The following IL1RAP variants were observed in gnomAD, a reference collection of about 807,000 sequenced individuals.
The protein encoded by IL1RAP is interleukin-1 receptor accessory protein.
IL1RAP carries 35 observed loss-of-function variants against 60.7 expected under a neutral mutation model. The ratio of observed to expected loss-of-function variants is 0.58; its 90% CI spans 0.44 to 0.76. The LOEUF (loss-of-function observed/expected upper bound fraction) is 0.76. IL1RAP is among the 30% of genes least tolerant of loss of function. IL1RAP has a pLI of 0.00. For synonymous variants in IL1RAP, 268 were observed against 250.9 expected, an observed-to-expected ratio of 1.07 and a Z score of -0.64; for missense variants, 572 against 693.9, an observed-to-expected ratio of 0.82 and a Z score of 1.97.
At chr3:190,612,596 C>T (rs1730914966) in intron 5 of IL1RAP, among the ~76,000 whole-genome samples, 1 of 151,900 alleles carries the variant, frequency 6.6e-6, no homozygotes, top group African/African-American at 2.4e-5. Context: ...TTTTTTTAGT[C>T]ATTCATTCAT....
intron 1 of IL1RAP, among the ~76,000 whole-genome samples, chr3:190,526,488 T>C (rs1305233967): frequency 1.3e-5 from 2 of 152,236 alleles, no homozygotes; most frequent in Non-Finnish European, 2.9e-5. Flanking sequence ...TTCTTTCAAG[T>C]TGTATCATTT....
intron 1 of IL1RAP, among the ~76,000 whole-genome samples, chr3:190,519,543 A>C (rs1350510696): frequency 2.0e-5 from 3 of 152,044 alleles, no homozygotes; most frequent in African/African-American, 4.8e-5. Flanking sequence ...CATATTTACT[A>C]GATACCACAC....
At chr3:190,574,482 T>C (rs900505254) in intron 3 of IL1RAP, among the ~76,000 whole-genome samples, 1 of 152,206 alleles carries the variant, frequency 6.6e-6, no homozygotes, top group Non-Finnish European at 1.5e-5. Flanking sequence ...TGGCTTCCCC[T>C]GTGGCTAACT....
downstream of IL1RAP, among the ~76,000 whole-genome samples, chr3:190,655,372 G>T (rs532156586): frequency 6.6e-6 from 1 of 152,022 alleles, no homozygotes; most frequent in Non-Finnish European, 1.5e-5. Context: ...GACATAAGAA[G>T]AAAATACTAC....
intron 3 of IL1RAP, among the ~76,000 whole-genome samples, chr3:190,567,961 G>A (rs1162127563): frequency 1.8e-4 from 27 of 152,146 alleles, no homozygotes; most frequent in Admixed American, 1.8e-3. Flanking sequence ...AAGCTGAACT[G>A]TTAAAAGCTG....
intron 1 of IL1RAP, among the ~76,000 whole-genome samples, chr3:190,553,708 C>T (rs1725101002): frequency 6.6e-6 from 1 of 152,182 alleles, no homozygotes; most frequent in Non-Finnish European, 1.5e-5. Flanking sequence ...CTGAGCGTGA[C>T]AGTGGTGGGG....
chr3:190,604,656 G>T (rs1005372414), intron 4 of IL1RAP, among the ~76,000 whole-genome samples: 13 of 152,078 alleles, frequency 8.5e-5, no homozygotes, highest in Admixed American at 8.5e-4. Flanking sequence ...AAAGTTGTCC[G>T]AAAGTGGAGC....
At chr3:190,602,095 AG>A (rs1729912210) in intron 3 of IL1RAP, among the ~76,000 whole-genome samples, 1 of 152,122 alleles carries the variant, frequency 6.6e-6, no homozygotes, top group Non-Finnish European at 1.5e-5. Flanking sequence ...GATAGGGGAA[AG>A]GGAAAACTAG....
chr3:190,546,071 T>A (rs1197531529), intron 1 of IL1RAP, among the ~76,000 whole-genome samples: 1 of 152,112 alleles, frequency 6.6e-6, no homozygotes, highest in Admixed American at 6.5e-5. Flanking sequence ...TCGGTATGAT[T>A]AGCAGCTGCA....
Position 190,648,587 on chromosome 3 carries a change from A to G in IL1RAP, c.1595A>G (p.Lys532Arg), listed in dbSNP as rs767394527. ...TVIKWKGEKS[K>R]YPQGRFWKQL... ...ATTAAATGGAAAGGGGAAAAATCCAAGTATCCACAGGGCAGGTTCTGGAAG... is the reference window on the plus strand; with the variant it reads ...ATTAAATGGAAAGGGGAAAAATCCAGGTATCCACAGGGCAGGTTCTGGAAG... The change falls in exon 12 of 12, where the codon AAG becomes AGG. Residue 532 changes from lysine to arginine, a missense_variant. Lys to Arg is a conservative substitution (Grantham distance 26). Coordinates refer to ENST00000447382, the MANE Select transcript of IL1RAP (RefSeq NM_002182.4). 1.5e-5 allele frequency: 25 copies of G among 1,614,092 alleles called. 1 individual carries two copies. Among genetic ancestry groups the G allele is most frequent in the African/African-American group, 4.0e-5 (3 of 74,928 alleles).
Position 190,649,693 on chromosome 3 carries a change from A to T in IL1RAP, c.*988A>T. 1 of 985,832 alleles carries T rather than the reference A, an allele frequency of 1.0e-6. No individual in the cohort carries two copies. Among genetic ancestry groups the T allele is most frequent in the Non-Finnish European group, 1.2e-6 (1 of 829,908 alleles). The allele number at this position is 985,832 out of a possible 1,614,324, so 61.1% of individuals were successfully genotyped here. A position where few individuals can be genotyped will look rare whatever the true frequency, so the allele number is the denominator to read the frequency against. ...TTTGTTGCTCCATTGTAAAGGGCGG[A>T]GGTCAGTCTTAGTGGCCTTGAGAGT... On this transcript the variant is annotated 3_prime_UTR_variant, in exon 12 of 12. Transcript: ENST00000447382.
intron 6 of IL1RAP, among the ~76,000 whole-genome samples, chr3:190,621,895 A>C (rs1018534444): frequency 3.9e-5 from 6 of 152,224 alleles, no homozygotes; most frequent in Non-Finnish European, 8.8e-5. Flanking sequence ...ATACTTTTGA[A>C]GACAATACTA....
At chr3:190,532,545 T>C (rs1355736583) in intron 1 of IL1RAP, among the ~76,000 whole-genome samples, 1 of 152,138 alleles carries the variant, frequency 6.6e-6, no homozygotes, top group Non-Finnish European at 1.5e-5. Context: ...AATCATCTTG[T>C]CTAATTCCAT....
chr3:190,609,220 C>T (rs1344737684), intron 5 of IL1RAP, 39 bp downstream of exon 5: 1 of 1,368,860 alleles, frequency 7.3e-7, no homozygotes, highest in Non-Finnish European at 1.0e-6. Context: ...TCTCTAATGG[C>T]TTATAAAATG....
intron 2 of IL1RAP, among the ~76,000 whole-genome samples, chr3:190,563,081 T>C: frequency 6.6e-6 from 1 of 152,174 alleles, no homozygotes; most frequent in Non-Finnish European, 1.5e-5. Flanking sequence ...CTTGGATTCC[T>C]TGTGTAGTTT....
At chr3:190,625,102 A>T (rs1577762147) in intron 7 of IL1RAP, 1 of 152,794 alleles carries the variant, frequency 6.5e-6, no homozygotes, top group African/African-American at 2.4e-5. Flanking sequence ...ATAGATGTGG[A>T]CCTCTTCGCC....
intron 3 of IL1RAP, among the ~76,000 whole-genome samples, chr3:190,590,536 G>A (rs1728856969): frequency 6.6e-6 from 1 of 152,138 alleles, no homozygotes; most frequent in South Asian, 2.1e-4. Flanking sequence ...ATTACAAGGT[G>A]TGAGCCACCG....
intron 1 of IL1RAP, among the ~76,000 whole-genome samples, chr3:190,536,894 AAC>A (rs1360386217): frequency 1.3e-5 from 2 of 152,208 alleles, no homozygotes; most frequent in African/African-American, 4.8e-5. Context: ...TAAAAAGAAA[AAC>A]AGTTATATGT....
At chr3:190,558,664 T>C (rs2108612575) in intron 2 of IL1RAP, among the ~76,000 whole-genome samples, 1 of 152,290 alleles carries the variant, frequency 6.6e-6, no homozygotes, top group East Asian at 1.9e-4. Flanking sequence ...TTTATTCTTC[T>C]TTTTCAAAAT....
Sources: allele counts gnomAD v4.1 joint callset (sites outside exome capture counted in the v4.1 genomes callset), GRCh38; gene constraint gnomAD v4.1.1; transcripts MANE v1.5; gene names NCBI Gene and HGNC (gene_info 2026-07-23, HGNC 2026-07-21).